The following NBEA variants were observed in gnomAD, a reference collection of about 807,000 sequenced individuals.
NBEA encodes the protein neurobeachin.
Under a neutral mutation model 343.4 loss-of-function variants are expected in NBEA, and 44 were observed. The ratio of observed to expected loss-of-function variants is 0.13; its 90% CI spans 0.10 to 0.16. The LOEUF (loss-of-function observed/expected upper bound fraction) is 0.16, where lower values mean the gene tolerates loss of function less well. Ranked by LOEUF, NBEA falls within the 10% of genes least tolerant of loss-of-function variation. The pLI is 1.00. For synonymous variants in NBEA, 1,175 were observed against 1,238.7 expected (o/e 0.95, Z 1.08); for missense variants, 2,555 against 3,631.3 (o/e 0.70, Z 7.62).
At chr13:35,234,314 G>A (rs1438034979) in intron 34 of NBEA, among the ~76,000 whole-genome samples, 1 of 152,118 alleles carries the variant, frequency 6.6e-6, no homozygotes, top group Non-Finnish European at 1.5e-5. Context: ...CAAAGCAGCC[G>A]CAAAATGAAC....
chr13:35,141,544 C>T (rs961836744), intron 17 of NBEA, among the ~76,000 whole-genome samples: 4 of 152,270 alleles, frequency 2.6e-5, no homozygotes, highest in East Asian at 1.9e-4. Context: ...GGATTACAGG[C>T]GTGAACCACT....
chr13:35,049,835 A>G (rs371718595), intron 5 of NBEA, among the ~76,000 whole-genome samples: 34 of 151,002 alleles, frequency 2.3e-4, no homozygotes, highest in African/African-American at 8.2e-4. Context: ...ATCAAACTTG[A>G]CTCTGACCAA....
rs1414608299 is a variant in NBEA, at chr13:35,671,214, T to C, written c.*223T>C. The C allele has an allele frequency of 2.2e-6, 1 of 447,728 alleles. No individual in the cohort carries two copies. Among genetic ancestry groups the C allele is most frequent in the Non-Finnish European group, 4.0e-6 (1 of 247,444 alleles). 27.7% of individuals were successfully genotyped at this position (447,728 alleles called of 1,614,324 possible). A position where few individuals can be genotyped will look rare whatever the true frequency, so the allele number is the denominator to read the frequency against. ...AAGCAAGCTTATATCATGTAAATTATATGAATTAGGAGATGTTTTGGTAAT... is the reference window on the plus strand; with the variant it reads ...AAGCAAGCTTATATCATGTAAATTACATGAATTAGGAGATGTTTTGGTAAT... On this transcript the variant is annotated 3_prime_UTR_variant, in exon 59 of 59. Transcript: ENST00000379939.
chr13:35,391,654 A>T (rs1007984155), intron 38 of NBEA, among the ~76,000 whole-genome samples: 2 of 151,788 alleles, frequency 1.3e-5, no homozygotes, highest in Non-Finnish European at 3.0e-5. Flanking sequence ...TGCATGAAGT[A>T]TGTGTATATA....
chr13:35,378,207 T>G (rs1594409800), intron 38 of NBEA, among the ~76,000 whole-genome samples: 1 of 152,214 alleles, frequency 6.6e-6, no homozygotes, highest in African/African-American at 2.4e-5. Flanking sequence ...ACATTTCAAA[T>G]ATCTTTGCTT....
At chr13:35,185,085 G>A (rs1248957997) in intron 30 of NBEA, among the ~76,000 whole-genome samples, 1 of 152,090 alleles carries the variant, frequency 6.6e-6, no homozygotes, top group Non-Finnish European at 1.5e-5. Context: ...GACTTGAAAT[G>A]TGAGAGAAAT....
intron 10 of NBEA, among the ~76,000 whole-genome samples, chr13:35,090,148 T>G (rs1254773438): frequency 1.3e-5 from 2 of 151,850 alleles, no homozygotes; most frequent in African/African-American, 4.8e-5. Context: ...CCATGAGACC[T>G]TAGTGGCTTT....
intron 1 of NBEA, among the ~76,000 whole-genome samples, chr13:34,959,712 T>C (rs2059601759): frequency 6.6e-6 from 1 of 152,092 alleles, no homozygotes; most frequent in Non-Finnish European, 1.5e-5. Flanking sequence ...GACATTTTGG[T>C]CTACAATGGA....
intron 38 of NBEA, among the ~76,000 whole-genome samples, chr13:35,353,149 C>A (rs903610403): frequency 2.6e-5 from 4 of 152,086 alleles, no homozygotes; most frequent in Non-Finnish European, 5.9e-5. Flanking sequence ...AAAAATGATT[C>A]TGTTGACCTG....
chr13:35,228,396 A>AC (rs2074784006), intron 33 of NBEA, among the ~76,000 whole-genome samples: 1 of 150,918 alleles, frequency 6.6e-6, no homozygotes, highest in African/African-American at 2.4e-5. Flanking sequence ...TTATTTGTGT[A>AC]AATTTAAGGG....
At chr13:35,085,251 G>C (rs1295614681) in intron 10 of NBEA, among the ~76,000 whole-genome samples, 4 of 152,176 alleles carry the variant, frequency 2.6e-5, no homozygotes, top group African/African-American at 9.6e-5. Flanking sequence ...GCATCATCCT[G>C]ATACCAAAGC....
chr13:35,182,062 A>G (rs1240280183), intron 28 of NBEA, among the ~76,000 whole-genome samples: 1 of 151,756 alleles, frequency 6.6e-6, no homozygotes, highest in Non-Finnish European at 1.5e-5. Flanking sequence ...TTATAAGCAC[A>G]CATACTATGT....
intron 38 of NBEA, among the ~76,000 whole-genome samples, chr13:35,369,593 G>T (rs1200530035): frequency 1.3e-5 from 2 of 151,618 alleles, no homozygotes; most frequent in African/African-American, 4.8e-5. Flanking sequence ...CCTTATAGAG[G>T]TTGTTCACCT....
rs1158425819 is a variant in NBEA, at chr13:34,942,708, T to C, written c.-113T>C. The C allele has an allele frequency of 4.0e-6, 3 of 745,546 alleles. No homozygotes were observed. Among genetic ancestry groups the C allele is most frequent in the African/African-American group, 1.9e-5 (1 of 53,574 alleles). The allele number at this position is 745,546 out of a possible 1,614,324, so 46.2% of individuals were successfully genotyped here. A position where few individuals can be genotyped will look rare whatever the true frequency, so the allele number is the denominator to read the frequency against. On this transcript the variant is annotated 5_prime_UTR_variant, in exon 1 of 59. Transcript: ENST00000379939. ...GGGAGCGGGCCCGGCGCCGCGGCGC[T>C]GGTGGATGCTGGGGCTCCGAGGCGA...
intron 41 of NBEA, among the ~76,000 whole-genome samples, chr13:35,499,743 G>A (rs2076815442): frequency 6.6e-6 from 1 of 152,012 alleles, no homozygotes; most frequent in Non-Finnish European, 1.5e-5. Context: ...CATATACAAG[G>A]ACTCCTAAGT....
chr13:35,302,647 GA>G (rs1156767419), intron 35 of NBEA, among the ~76,000 whole-genome samples: 7 of 151,864 alleles, frequency 4.6e-5, no homozygotes, highest in East Asian at 1.9e-4. Context: ...AGAACCTAGG[GA>G]AAAAAATGCA....
intron 38 of NBEA, among the ~76,000 whole-genome samples, chr13:35,395,040 C>T (rs952477498): frequency 6.6e-6 from 1 of 151,902 alleles, no homozygotes; most frequent in Non-Finnish European, 1.5e-5. Context: ...TTTAAGTTTC[C>T]GATATTTGGA....
intron 35 of NBEA, among the ~76,000 whole-genome samples, chr13:35,302,348 G>C (rs1178813594): frequency 6.6e-6 from 1 of 152,030 alleles, no homozygotes; most frequent in Admixed American, 6.6e-5. Flanking sequence ...AAAGACAATT[G>C]GTAACATTTT....
chr13:35,055,161 C>T (rs1470597981), intron 6 of NBEA, among the ~76,000 whole-genome samples: 1 of 152,038 alleles, frequency 6.6e-6, no homozygotes, highest in African/African-American at 2.4e-5. Context: ...ATTTTCCCCC[C>T]TTAACTTCAG....
Sources: gnomAD v4.1 joint callset for allele counts (sites outside exome capture counted in the v4.1 genomes callset) on GRCh38, gnomAD v4.1.1 for gene constraint, MANE v1.5 for transcripts, NCBI Gene and HGNC (gene_info 2026-07-23, HGNC 2026-07-21) for gene names.